LRGUK: variants seen among roughly 807,000 people sequenced by gnomAD.
The protein encoded by LRGUK is leucine-rich repeat and guanylate kinase domain-containing protein.
Under a neutral mutation model 76.0 loss-of-function variants are expected in LRGUK, and 65 were observed. That is an observed-to-expected ratio of 0.85 (90% CI 0.70 to 1.05). LRGUK has a LOEUF of 1.05. Among genes scored for constraint, LRGUK ranks in the 50% least tolerant of loss-of-function variants. The pLI is 0.00. For missense variants in LRGUK, 758 were observed against 732.8 expected, an observed-to-expected ratio of 1.03 and a Z score of -0.40; for synonymous variants, 268 against 265.6, an observed-to-expected ratio of 1.01 and a Z score of -0.09.
chr7:134,201,469 T>C lies in LRGUK; in HGVS notation c.1748-12T>C. ...GATCCTGTTGCTTTAAAATGTACTCTCTTTGCTGCAGATGATCTGGATGTT... is the reference window on the plus strand; with the variant it reads ...GATCCTGTTGCTTTAAAATGTACTCCCTTTGCTGCAGATGATCTGGATGTT... On this transcript the variant is annotated splice_polypyrimidine_tract_variant and intron_variant, in intron 14 of 15. Transcript: ENST00000645682. 1.2e-6 allele frequency: 2 copies of C among 1,607,276 alleles called. No homozygotes were observed. Among genetic ancestry groups the C allele is most frequent in the South Asian group, 1.1e-5 (1 of 90,798 alleles).
intron 16 of LRGUK, among the ~76,000 whole-genome samples, chr7:134,245,553 A>C (rs1802279931): frequency 6.6e-6 from 1 of 152,110 alleles, no homozygotes; most frequent in Non-Finnish European, 1.5e-5. Context: ...TTTCGTTGTA[A>C]GTTTTTTGAC....
At chr7:134,179,202 G>A (rs937898297) in intron 10 of LRGUK, among the ~76,000 whole-genome samples, 2 of 152,258 alleles carry the variant, frequency 1.3e-5, no homozygotes, top group African/African-American at 4.8e-5. Context: ...CCAGCTCGGT[G>A]GAACACATGA....
In LRGUK at chr7:134,130,767, G is replaced by A. The variant is rs578204760; in HGVS notation, c.297+3103G>A. Among the ~76,000 whole-genome samples the A allele has an allele frequency of 2.0e-5, 3 of 152,290 alleles. No individual in the cohort carries two copies. In the South Asian group the frequency reaches 6.2e-4, roughly 32 times the overall value. On this transcript the variant is annotated intron_variant, in intron 1 of 15. Coordinates refer to ENST00000645682, the Ensembl canonical transcript of LRGUK. ...CCTCGGAAGCCCTTATGAAGTGAGG[G>A]AGGCAGTATGGACCACCTGTTCAAA...
At chr7:134,195,240 C>T (rs1188515730) in intron 12 of LRGUK, among the ~76,000 whole-genome samples, 1 of 152,108 alleles carries the variant, frequency 6.6e-6, no homozygotes, top group Non-Finnish European at 1.5e-5. Flanking sequence ...TTGTAGCCTC[C>T]AGCTGCATGA....
At chr7:134,164,956 G>A (rs745733635) in intron 7 of LRGUK, among the ~76,000 whole-genome samples, 3 of 152,090 alleles carry the variant, frequency 2.0e-5, no homozygotes, top group Admixed American at 6.5e-5. Context: ...GTCTTAGGAA[G>A]TCCACACAAT....
chr7:134,168,573 AT>A (rs1459825887), intron 7 of LRGUK, among the ~76,000 whole-genome samples: 1 of 152,158 alleles, frequency 6.6e-6, no homozygotes, highest in African/African-American at 2.4e-5. Context: ...GATCACAGGA[AT>A]GGCTTGAGCT....
intron 15 of LRGUK, 21 bp from the exon 16 acceptor site, chr7:134,221,758 T>A: frequency 6.8e-7 from 1 of 1,465,592 alleles, no homozygotes; most frequent in Middle Eastern, 1.8e-4. Flanking sequence ...TATTTTAAAC[T>A]TTATTTTTTT....
At chr7:134,132,136 C>A (rs2116797597) in intron 1 of LRGUK, among the ~76,000 whole-genome samples, 1 of 152,158 alleles carries the variant, frequency 6.6e-6, no homozygotes, top group South Asian at 2.1e-4. Flanking sequence ...TGGCTTGAGG[C>A]CAGAGTTTGA....
At chr7:134,269,117 C>T (rs1802914398), downstream of LRGUK, among the ~76,000 whole-genome samples, 1 of 152,090 alleles carries the variant, frequency 6.6e-6, no homozygotes, top group Admixed American at 6.6e-5. Flanking sequence ...CAAAGAGCTA[C>T]TACCAATCTT....
intron 1 of LRGUK, among the ~76,000 whole-genome samples, chr7:134,129,162 CTT>C (rs1156624448): frequency 4.4e-5 from 5 of 113,240 alleles, no homozygotes. Flanking sequence ...CTCTTTCTTT[CTT>C]TCTTTCGTTT....
chr7:134,239,007 G>T (rs148480907), intron 16 of LRGUK, among the ~76,000 whole-genome samples: 71 of 152,126 alleles, frequency 4.7e-4, no homozygotes, highest in Non-Finnish European at 9.3e-4. Context: ...CTCTGAGTGC[G>T]GAGCCTGTCT....
chr7:134,268,163 G>C (rs895974175), downstream of LRGUK, among the ~76,000 whole-genome samples: 1 of 151,836 alleles, frequency 6.6e-6, no homozygotes, highest in Non-Finnish European at 1.5e-5. Context: ...AACAGTAGAG[G>C]AAAATCAATA....
In LRGUK at chr7:134,199,201, T is replaced by A; in HGVS notation, c.1546-19T>A. 1 of 1,604,148 alleles carries A rather than the reference T, an allele frequency of 6.2e-7. No homozygotes were observed. Among genetic ancestry groups the A allele is most frequent in the Non-Finnish European group, 8.5e-7 (1 of 1,171,758 alleles). ...TCATGTATCTGTTTCCAATTTATTA[T>A]CTTCCTTTTAATGCACAGGGTGTAA... On this transcript the variant is annotated intron_variant, in intron 13 of 15. Coordinates refer to ENST00000645682, the Ensembl canonical transcript of LRGUK.
At chr7:134,153,482 A>C (rs1380172907) in intron 5 of LRGUK, among the ~76,000 whole-genome samples, 1 of 152,088 alleles carries the variant, frequency 6.6e-6, no homozygotes, top group East Asian at 1.9e-4. Flanking sequence ...TGTTTTTTAG[A>C]ATTTATTTTA....
intron 11 of LRGUK, among the ~76,000 whole-genome samples, chr7:134,186,097 A>T (rs563354107): frequency 1.5e-4 from 23 of 152,340 alleles, no homozygotes; most frequent in Admixed American, 1.4e-3. Flanking sequence ...CCTATGAGGA[A>T]CCAAGTTTCT....
chr7:134,196,977 C>T lies in LRGUK; in HGVS notation c.1432-15C>T. 2 of 1,388,552 alleles carry T rather than the reference C, an allele frequency of 1.4e-6. No homozygotes were observed. Among genetic ancestry groups the T allele is most frequent in the South Asian group, 2.4e-5 (2 of 83,698 alleles). The allele number at this position is 1,388,552 out of a possible 1,614,324, so 86.0% of individuals were successfully genotyped here. On this transcript the variant is annotated splice_polypyrimidine_tract_variant and intron_variant, in intron 12 of 15. Coordinates refer to ENST00000645682, the Ensembl canonical transcript of LRGUK. ...CTGCTGTTATATGAAAATCTTTGTT[C>T]TTCTCGAATTCCAGGGGAAATTCAT...
At chr7:134,138,433 A>T (rs957881516) in intron 2 of LRGUK, among the ~76,000 whole-genome samples, 10 of 151,938 alleles carry the variant, frequency 6.6e-5, no homozygotes, top group African/African-American at 1.5e-4. Flanking sequence ...TACTTATGTT[A>T]CATGTTATTT....
At chr7:134,268,431 T>A (rs1156860742), downstream of LRGUK, among the ~76,000 whole-genome samples, 1 of 152,126 alleles carries the variant, frequency 6.6e-6, no homozygotes, top group African/African-American at 2.4e-5. Context: ...ATGGCATAGA[T>A]AATTTGAATA....
chr7:134,177,715 A>G (rs534795001), intron 9 of LRGUK, among the ~76,000 whole-genome samples: 2 of 152,338 alleles, frequency 1.3e-5, no homozygotes, highest in African/African-American at 2.4e-5. Flanking sequence ...GAAAACAGGT[A>G]TAAATATGTA....
Sources: allele counts gnomAD v4.1 joint callset (sites outside exome capture counted in the v4.1 genomes callset), GRCh38; gene constraint gnomAD v4.1.1; transcripts MANE v1.5; gene names NCBI Gene and HGNC (gene_info 2026-07-23, HGNC 2026-07-21).